TMEFF2: variants seen among roughly 807,000 people sequenced by gnomAD.
TMEFF2 encodes the protein transmembrane protein with EGF like and two follistatin like domains 2, also known as tomoregulin-2.
A neutral mutation model predicts 53.8 loss-of-function variants in TMEFF2; 28 were observed. The ratio of observed to expected loss-of-function variants is 0.52; its 90% CI spans 0.39 to 0.71. The LOEUF is 0.71. Among genes scored for constraint, TMEFF2 ranks in the 30% least tolerant of loss-of-function variants. The pLI, the probability that TMEFF2 is intolerant of heterozygous loss-of-function variation, is 0.00. For missense variants in TMEFF2, 353 were observed against 455.2 expected, an observed-to-expected ratio of 0.78 and a Z score of 2.04; for synonymous variants, 162 against 166.3, an observed-to-expected ratio of 0.97 and a Z score of 0.20.
chr2:192,153,005 A>G (rs1192799514), intron 4 of TMEFF2, among the ~76,000 whole-genome samples: 2 of 151,824 alleles, frequency 1.3e-5, no homozygotes, highest in Admixed American at 1.3e-4. Flanking sequence ...AATTTGGTGT[A>G]TAATTTAAAC....
chr2:192,097,289 T>A (rs775173459), intron 4 of TMEFF2, among the ~76,000 whole-genome samples: 1 of 152,248 alleles, frequency 6.6e-6, no homozygotes, highest in Non-Finnish European at 1.5e-5. Context: ...CAGAAGTACA[T>A]AGATTTGGTT....
intron 4 of TMEFF2, among the ~76,000 whole-genome samples, chr2:192,087,920 A>G (rs1688702679): frequency 6.6e-6 from 1 of 152,196 alleles, no homozygotes; most frequent in East Asian, 1.9e-4. Flanking sequence ...AAATTTACTT[A>G]TAAAGAATTA....
chr2:192,046,896 A>T (rs1334791555), intron 5 of TMEFF2, among the ~76,000 whole-genome samples: 2 of 148,530 alleles, frequency 1.3e-5, no homozygotes, highest in Admixed American at 6.9e-5. Flanking sequence ...ATTTATGCAG[A>T]TACCTGTGTT....
chr2:192,011,928 C>T (rs1196887948), intron 5 of TMEFF2, among the ~76,000 whole-genome samples: 1 of 152,032 alleles, frequency 6.6e-6, no homozygotes, highest in East Asian at 1.9e-4. Context: ...GCTCTGTCAT[C>T]CAGGCTGGAG....
intron 4 of TMEFF2, among the ~76,000 whole-genome samples, chr2:192,061,804 CTGCTTGTTTAAGAGTCTG>C (rs979765903): frequency 3.5e-4 from 54 of 152,150 alleles, no homozygotes; most frequent in African/African-American, 1.3e-3. Context: ...CACATGAGAT[CTGCTTGTTTAAGAGTCTG>C]GGTTTGTTTA....
chr2:192,042,470 G>A (rs989925449), intron 5 of TMEFF2, among the ~76,000 whole-genome samples: 5 of 152,150 alleles, frequency 3.3e-5, no homozygotes, highest in Non-Finnish European at 1.5e-5. Flanking sequence ...CTAAAAGTGT[G>A]ATAGGAAGTG....
At chr2:192,180,369 T>C (rs1294672438) in intron 3 of TMEFF2, among the ~76,000 whole-genome samples, 1 of 151,584 alleles carries the variant, frequency 6.6e-6, no homozygotes, top group African/African-American at 2.4e-5. Flanking sequence ...TTCCTTCCTT[T>C]AATTACAATT....
At chr2:192,073,423 T>G (rs995232665) in intron 4 of TMEFF2, among the ~76,000 whole-genome samples, 7 of 151,874 alleles carry the variant, frequency 4.6e-5, no homozygotes, top group African/African-American at 1.7e-4. Context: ...GGGAATGATT[T>G]CAACTTTTTT....
intron 7 of TMEFF2, among the ~76,000 whole-genome samples, chr2:191,985,733 T>A (rs1685960645): frequency 6.6e-6 from 1 of 152,226 alleles, no homozygotes; most frequent in East Asian, 1.9e-4. Context: ...TGTGGCAAAG[T>A]CTTGCTCGTT....
chr2:192,064,636 T>C (rs2105910299), intron 4 of TMEFF2, among the ~76,000 whole-genome samples: 1 of 152,006 alleles, frequency 6.6e-6, no homozygotes, highest in Admixed American at 6.6e-5. Context: ...AAGGATTATA[T>C]GTTTCTTGCC....
At chr2:191,981,431 C>G (rs559511397) in intron 7 of TMEFF2, among the ~76,000 whole-genome samples, 1 of 152,316 alleles carries the variant, frequency 6.6e-6, no homozygotes, top group East Asian at 1.9e-4. Flanking sequence ...TTACACACAT[C>G]AGCTGGAATC....
chr2:191,968,724 C>G (rs1692538128), intron 7 of TMEFF2, among the ~76,000 whole-genome samples: 1 of 152,048 alleles, frequency 6.6e-6, no homozygotes, highest in Non-Finnish European at 1.5e-5. Flanking sequence ...TGTGAGATGC[C>G]AGGAGGGGAC....
At chr2:192,123,419 A>G (rs1444710003) in intron 4 of TMEFF2, among the ~76,000 whole-genome samples, 3 of 152,214 alleles carry the variant, frequency 2.0e-5, no homozygotes, top group Non-Finnish European at 4.4e-5. Flanking sequence ...TGGGAAGTCA[A>G]TAACACTTAA....
At chr2:192,025,318 T>C (rs546269563) in intron 5 of TMEFF2, among the ~76,000 whole-genome samples, 1 of 152,114 alleles carries the variant, frequency 6.6e-6, no homozygotes, top group South Asian at 2.1e-4. Flanking sequence ...GTGAAGTTAC[T>C]GGTTAAGCTG....
Position 191,956,328 on chromosome 2 carries a change from G to A in TMEFF2, c.796C>T (p.Pro266Ser). Residue 266 changes from proline to serine, a missense_variant, in exon 8 of 10, where the codon CCG (proline) becomes TCG (serine). Physicochemically the swap from Pro to Ser is moderately conservative, Grantham distance 74 (BLOSUM62 -1). Around this residue, in one of 3 missense-constraint regions of TMEFF2, gnomAD observed 294 missense variants for 397.3 expected, o/e 0.74. Transcript: ENST00000272771. ...ATGCAGAAGCCATTGTAATGTTCCG[G>A]ACAAGGTATGTGGTGTTCTCTGGCA... ...ESAREHHIPC[P>S]EHYNGFCMHG... The A allele has an allele frequency of 6.2e-7, 1 of 1,613,996 alleles. No homozygotes were observed. Among genetic ancestry groups the A allele is most frequent in the South Asian group, 1.1e-5 (1 of 91,066 alleles).
chr2:192,124,794 A>G lies in TMEFF2; in HGVS notation c.439+54874T>C, dbSNP rs554705375. Among the ~76,000 whole-genome samples the G allele has an allele frequency of 3.9e-5, 6 of 152,282 alleles. No homozygotes were observed. The South Asian group carries it at 1.2e-3, about 32-fold the overall frequency. On this transcript the variant is annotated intron_variant, in intron 4 of 9. Transcript: ENST00000272771. ...ACTGATCATAAAACTAAGAGGAAAC[A>G]TTCTTCCAATATTTCAGAGTTTTGT...
intron 5 of TMEFF2, among the ~76,000 whole-genome samples, chr2:192,021,564 A>AC (rs376892443): frequency 6.6e-6 from 1 of 152,144 alleles, no homozygotes; most frequent in African/African-American, 2.4e-5. Context: ...TTAAAGAATA[A>AC]CGTGGCTAGA....
chr2:192,081,279 G>T (rs574400823), intron 4 of TMEFF2, among the ~76,000 whole-genome samples: 1 of 152,186 alleles, frequency 6.6e-6, no homozygotes, highest in African/African-American at 2.4e-5. Flanking sequence ...TGTTTGCAAA[G>T]AAGCTTGTCT....
chr2:192,157,295 G>C (rs187277937), intron 4 of TMEFF2, among the ~76,000 whole-genome samples: 1 of 151,970 alleles, frequency 6.6e-6, no homozygotes, highest in African/African-American at 2.4e-5. Context: ...TTGTCTCTTA[G>C]TAACCTGGAC....
Sources: allele counts gnomAD v4.1 joint callset (sites outside exome capture counted in the v4.1 genomes callset), GRCh38; gene constraint gnomAD v4.1.1; regional missense constraint gnomAD v4.1.1; transcripts MANE v1.5; gene names NCBI Gene and HGNC (gene_info 2026-07-23, HGNC 2026-07-21).